FBXW4: variants seen among roughly 807,000 people sequenced by gnomAD.
FBXW4 encodes F-box and WD repeat domain containing 4, also known as F-box/WD repeat-containing protein 4.
Under a neutral mutation model 61.8 loss-of-function variants are expected in FBXW4, and 40 were observed. The ratio of observed to expected loss-of-function variants is 0.65; its 90% CI spans 0.50 to 0.84. The LOEUF (loss-of-function observed/expected upper bound fraction) is 0.84, where lower values mean the gene tolerates loss of function less well. Ranked by LOEUF, FBXW4 falls within the 40% of genes least tolerant of loss-of-function variation. The pLI is 0.00. For missense variants in FBXW4, 672 were observed against 753.8 expected (o/e 0.89, Z 1.27); for synonymous variants, 311 against 313.8 (o/e 0.99, Z 0.10).
rs970332653 is a variant in FBXW4, at chr10:101,611,540, C to T, written c.1584+88G>A. The T allele has an allele frequency of 1.3e-6, 2 of 1,578,900 alleles. No homozygotes were observed. The highest frequency in any genetic ancestry group is 1.3e-5 in the African/African-American group (1 of 74,376). On this transcript the variant is annotated intron_variant, in intron 8 of 8. Transcript: ENST00000331272. This position sits in a 1 kb window ranked among gnomAD's most constrained non-coding sequence, Gnocchi z 4.9. ...TAGGCTTCTTCCAACCCTTTCTAGG[C>T]ACGTCCTTGGCTACCTCACCCTCTC...
At chr10:101,644,680 C>T (rs1392623574) in intron 5 of FBXW4, among the ~76,000 whole-genome samples, 2 of 152,166 alleles carry the variant, frequency 1.3e-5, no homozygotes, top group Non-Finnish European at 2.9e-5. Context: ...TGCCACAGAC[C>T]TTTCAGAGCC....
chr10:101,694,635 C>T lies in FBXW4; in HGVS notation c.471G>A (p.Ala157=), dbSNP rs775901446. Residue 157 remains alanine, a synonymous_variant, in exon 1 of 9, where the codon GCG becomes GCA. Transcript: ENST00000331272. The surrounding 1 kb of genome is among the most constrained non-coding windows in gnomAD (Gnocchi z 6.0). ...CCTCCTCCTCCTCCCCGGCCGCCGC[C>T]GCCATGGCCACCCCTGTCCCCGCGA... ...ADIAGTGVAM[A]AAAGEEEEEE... The T allele has an allele frequency of 1.4e-6, 2 of 1,428,218 alleles. No homozygotes were observed. Among genetic ancestry groups the T allele is most frequent in the South Asian group, 1.5e-5 (1 of 67,294 alleles). 88.5% of individuals were successfully genotyped at this position (1,428,218 alleles called of 1,614,324 possible).
chr10:101,630,057 T>G (rs567507515), intron 5 of FBXW4, among the ~76,000 whole-genome samples: 6 of 152,294 alleles, frequency 3.9e-5, no homozygotes, highest in Non-Finnish European at 5.9e-5. Context: ...TTCACCAACA[T>G]GCCCATCAAG....
chr10:101,677,088 C>G (rs888573525), intron 1 of FBXW4, among the ~76,000 whole-genome samples: 11 of 152,106 alleles, frequency 7.2e-5, no homozygotes, highest in African/African-American at 2.4e-4. Context: ...AAGAAACTCG[C>G]CTACATTGTT....
At chr10:101,693,542 G>A (rs1269183716) in intron 1 of FBXW4, among the ~76,000 whole-genome samples, 1 of 152,072 alleles carries the variant, frequency 6.6e-6, no homozygotes, top group Non-Finnish European at 1.5e-5. Context: ...TAGAGGTGAT[G>A]GTATTATGGC....
At chr10:101,638,658 G>A (rs1231671576) in intron 5 of FBXW4, among the ~76,000 whole-genome samples, 2 of 152,096 alleles carry the variant, frequency 1.3e-5, no homozygotes, top group African/African-American at 4.8e-5. Context: ...TTAAAAGAAT[G>A]GTAATCAAAA....
chr10:101,657,529 G>T (rs1325524366), intron 5 of FBXW4, among the ~76,000 whole-genome samples: 3 of 151,760 alleles, frequency 2.0e-5, no homozygotes, highest in African/African-American at 4.8e-5. Flanking sequence ...AGCTACTTGG[G>T]GGGCTGAGGC....
rs1220593863 is a variant in FBXW4, at chr10:101,694,417, G to A, written c.689C>T (p.Ser230Leu). The A allele has an allele frequency of 7.3e-6, 11 of 1,512,382 alleles. No individual in the cohort carries two copies. Among genetic ancestry groups the A allele is most frequent in the East Asian group, 2.7e-5 (1 of 36,482 alleles). 93.7% of individuals were successfully genotyped at this position (1,512,382 alleles called of 1,614,324 possible). The change falls in exon 1 of 9, where the codon TCG (serine) becomes TTG (leucine). Residue 230 changes from serine to leucine, a missense_variant. This residue lies in a region of FBXW4 where 311 missense variants were observed against 301.1 expected (regional missense o/e 1.03). Transcript: ENST00000331272. This position sits in a 1 kb window ranked among gnomAD's most constrained non-coding sequence, Gnocchi z 6.0. ...DLLWRRIARA[S>L]LNSGFTRLGT... is the part of the protein sequence containing the mutation. ...GAGCCGCGTGAAGCCGGAGTTGAGC[G>A]AGGCCCGGGCTATCCGGCGCCAGAG...
At chr10:101,667,809 T>C in intron 5 of FBXW4, 77 bp downstream of exon 5, 1 of 1,299,656 alleles carries the variant, frequency 7.7e-7, no homozygotes, top group Non-Finnish European at 1.1e-6. Context: ...ACAGGAAGAT[T>C]TTCTAGCTCA....
At chr10:101,645,479 C>T (rs1308987403) in intron 5 of FBXW4, among the ~76,000 whole-genome samples, 1 of 152,240 alleles carries the variant, frequency 6.6e-6, no homozygotes, top group Non-Finnish European at 1.5e-5. Context: ...ACCTTTTCCT[C>T]AGACACACAC....
Position 101,694,286 on chromosome 10 carries a change from C to A in FBXW4, c.725+95G>T. 8.3e-7 allele frequency: 1 copy of A among 1,203,230 alleles called. No individual in the cohort carries two copies. The highest frequency in any genetic ancestry group is 1.1e-6 in the Non-Finnish European group (1 of 936,694). The allele number at this position is 1,203,230 out of a possible 1,614,324, so 74.5% of individuals were successfully genotyped here. On this transcript the variant is annotated intron_variant, in intron 1 of 8. Coordinates refer to ENST00000331272, the MANE Select transcript of FBXW4 (RefSeq NM_022039.4). This position sits in a 1 kb window ranked among gnomAD's most constrained non-coding sequence, Gnocchi z 6.0. ...GTAGGCCTAGAAACTCGGGGTGCGA[C>A]ACGACCCTGGGCCGACCAGGCCGCG...
At chr10:101,650,685 G>GT in intron 5 of FBXW4, among the ~76,000 whole-genome samples, 1 of 152,344 alleles carries the variant, frequency 6.6e-6, no homozygotes, top group East Asian at 1.9e-4. Context: ...GCCAGCCAGA[G>GT]TTGGCATCTC....
chr10:101,611,714 T>C lies in FBXW4; in HGVS notation c.1498A>G (p.Thr500Ala). 6.2e-7 allele frequency: 1 copy of C among 1,614,140 alleles called. No homozygotes were observed. Among genetic ancestry groups the C allele is most frequent in the Non-Finnish European group, 8.5e-7 (1 of 1,180,020 alleles). Residue 500 changes from threonine (T) to alanine (A), a missense_variant, in exon 8 of 9, where the codon ACA becomes GCA. Thr to Ala is a moderately conservative substitution (Grantham distance 58). Around this residue, in one of 5 missense-constraint regions of FBXW4, gnomAD observed 312 missense variants for 370.1 expected, o/e 0.84. Coordinates refer to ENST00000331272, the MANE Select transcript of FBXW4 (RefSeq NM_022039.4). The surrounding 1 kb of genome is among the most constrained non-coding windows in gnomAD (Gnocchi z 4.9). ...PHDSTLYCLQ[T>A]DGNHLLATGS... Reference sequence around the variant, plus strand: ...GTGGCCAGCAGGTGGTTGCCATCTGTCTGCAGGCAGTACAGGGTGCTGTCG... The same window carrying C: ...GTGGCCAGCAGGTGGTTGCCATCTGCCTGCAGGCAGTACAGGGTGCTGTCG...
At chr10:101,614,084 T>C (rs552677504) in intron 6 of FBXW4, among the ~76,000 whole-genome samples, 7 of 152,316 alleles carry the variant, frequency 4.6e-5, no homozygotes, top group African/African-American at 1.7e-4. Flanking sequence ...CAGAGCCCTG[T>C]AGGGGAGTCA....
intron 5 of FBXW4, among the ~76,000 whole-genome samples, chr10:101,651,072 C>A (rs2064141667): frequency 6.6e-6 from 1 of 152,186 alleles, no homozygotes; most frequent in South Asian, 2.1e-4. Flanking sequence ...ACCATTAATG[C>A]ATGCGCCTCT....
intron 6 of FBXW4, among the ~76,000 whole-genome samples, chr10:101,614,320 C>G (rs2063810509): frequency 6.6e-6 from 1 of 152,202 alleles, no homozygotes; most frequent in Admixed American, 6.5e-5. Context: ...CAGCATGGCT[C>G]TACCTGCCCA....
At chr10:101,669,644 T>A (rs2064339122) in intron 4 of FBXW4, among the ~76,000 whole-genome samples, 2 of 152,142 alleles carry the variant, frequency 1.3e-5, no homozygotes, top group Admixed American at 1.3e-4. Context: ...AAACATGAGA[T>A]TCCATCCTGG....
chr10:101,656,567 A>T (rs966337535), intron 5 of FBXW4, among the ~76,000 whole-genome samples: 4 of 152,202 alleles, frequency 2.6e-5, no homozygotes, highest in Non-Finnish European at 5.9e-5. Context: ...CAATGTGTAC[A>T]TTTTCTAAAG....
chr10:101,673,132 C>T, intron 3 of FBXW4, 85 bp from the exon 4 acceptor site: 1 of 1,510,344 alleles, frequency 6.6e-7, no homozygotes, highest in Non-Finnish European at 8.9e-7. Flanking sequence ...CAGCCCAAGT[C>T]TCCAGTGACA....
Sources: gnomAD v4.1 joint callset for allele counts (sites outside exome capture counted in the v4.1 genomes callset) on GRCh38, gnomAD v4.1.1 for gene constraint, gnomAD v4.1.1 regional missense constraint, Gnocchi (gnomAD v3.1) non-coding constraint, MANE v1.5 for transcripts, NCBI Gene and HGNC (gene_info 2026-07-23, HGNC 2026-07-21) for gene names.